ADAMTSL3: variants seen among roughly 807,000 people sequenced by gnomAD.
ADAMTSL3 encodes the protein ADAMTS like 3, also known as ADAMTS-like protein 3.
A neutral mutation model predicts 201.7 loss-of-function variants in ADAMTSL3; 128 were observed. The ratio of observed to expected loss-of-function variants is 0.63; its 90% CI spans 0.55 to 0.73. The LOEUF (loss-of-function observed/expected upper bound fraction) is 0.73. Among genes scored for constraint, ADAMTSL3 ranks in the 30% least tolerant of loss-of-function variants. The pLI is 0.00. For missense variants in ADAMTSL3, 1,990 were observed against 2,119.6 expected (o/e 0.94, Z 1.20); for synonymous variants, 738 against 748.4 (o/e 0.99, Z 0.23).
intron 4 of ADAMTSL3, among the ~76,000 whole-genome samples, chr15:83,774,612 A>G (rs753384258): frequency 9.9e-5 from 15 of 152,150 alleles, no homozygotes; most frequent in Non-Finnish European, 2.1e-4. Flanking sequence ...GCGAGTTCTA[A>G]CTCAGAGCAT....
In ADAMTSL3 at chr15:83,654,913, T is replaced by C. The variant is rs1216757605; in HGVS notation, c.-34+637T>C. Among the ~76,000 whole-genome samples, 1 of 152,170 alleles carries C rather than the reference T, an allele frequency of 6.6e-6. No homozygotes were observed. The highest frequency in any genetic ancestry group is 1.5e-5 in the Non-Finnish European group (1 of 68,024). On this transcript the variant is annotated intron_variant, in intron 1 of 29. Transcript: ENST00000286744. The surrounding 1 kb of genome is among the most constrained non-coding windows in gnomAD (Gnocchi z 5.3). ...CACATTAGACCAGGCCCTTAATGCC[T>C]TCTCCAGATGGAGAGAAGCCACCGA...
intron 5 of ADAMTSL3, among the ~76,000 whole-genome samples, chr15:83,807,396 C>G (rs1463625413): frequency 6.6e-6 from 1 of 152,102 alleles, no homozygotes; most frequent in African/African-American, 2.4e-5. Context: ...GTGGGAGTTG[C>G]AGTGAGCTGA....
intron 6 of ADAMTSL3, among the ~76,000 whole-genome samples, chr15:83,831,932 G>A (rs577607466): frequency 6.4e-4 from 98 of 152,292 alleles, no homozygotes; most frequent in African/African-American, 2.3e-3. Context: ...GGTGAGTGGA[G>A]TATTGACTGA....
chr15:83,789,616 A>G (rs1863450), intron 4 of ADAMTSL3, among the ~76,000 whole-genome samples: 213 of 152,260 alleles, frequency 1.4e-3, no homozygotes, highest in African/African-American at 4.9e-3. Flanking sequence ...TTGATTTCCC[A>G]GTGAAGGCCC....
rs576335722 is a variant in ADAMTSL3 at position 83,748,026 on chromosome 15, A to C, written c.190-25497A>C. Among the ~76,000 whole-genome samples the C allele has an allele frequency of 7.2e-5, 11 of 151,984 alleles. No individual in the cohort carries two copies. In the South Asian group the frequency reaches 1.0e-3, roughly 14 times the overall value. On this transcript the variant is annotated intron_variant, in intron 3 of 29. Coordinates refer to ENST00000286744, the MANE Select transcript of ADAMTSL3 (RefSeq NM_207517.3). ...CCTTGTACAACATTCCTCATATGTC[A>C]TTCCCCTTAAAGAAAACATTTCTTC...
chr15:83,950,227 T>A (rs745880328), intron 19 of ADAMTSL3, among the ~76,000 whole-genome samples: 8 of 152,156 alleles, frequency 5.3e-5, no homozygotes, highest in Non-Finnish European at 1.0e-4. Flanking sequence ...TGCATATGGA[T>A]ATCCAGTTTT....
At chr15:83,671,129 G>A (rs1349259934) in intron 2 of ADAMTSL3, among the ~76,000 whole-genome samples, 3 of 152,022 alleles carry the variant, frequency 2.0e-5, no homozygotes, top group East Asian at 3.8e-4. Context: ...ATGTTGGTTT[G>A]TACTATATTT....
At chr15:83,728,786 G>A (rs2062221090) in intron 3 of ADAMTSL3, among the ~76,000 whole-genome samples, 1 of 151,922 alleles carries the variant, frequency 6.6e-6, no homozygotes, top group Non-Finnish European at 1.5e-5. Flanking sequence ...TAGTTTATGT[G>A]CCACAATTAC....
At chr15:83,743,860 T>C (rs1315214698) in intron 3 of ADAMTSL3, among the ~76,000 whole-genome samples, 1 of 152,106 alleles carries the variant, frequency 6.6e-6, no homozygotes. Context: ...CATATATCTT[T>C]TTAATTTTTT....
chr15:83,794,154 A>G (rs186857168), intron 4 of ADAMTSL3, among the ~76,000 whole-genome samples: 1 of 152,366 alleles, frequency 6.6e-6, no homozygotes, highest in East Asian at 1.9e-4. Flanking sequence ...AAGGTTCACA[A>G]CAAGAAATAC....
chr15:83,757,274 C>A (rs2062736929), intron 3 of ADAMTSL3, among the ~76,000 whole-genome samples: 1 of 152,258 alleles, frequency 6.6e-6, no homozygotes, highest in Admixed American at 6.5e-5. Flanking sequence ...CAGGTATTTC[C>A]ATACATCCTC....
At chr15:83,709,905 G>T (rs1229056399) in intron 3 of ADAMTSL3, among the ~76,000 whole-genome samples, 1 of 152,162 alleles carries the variant, frequency 6.6e-6, no homozygotes. Flanking sequence ...AGCACGAGCA[G>T]TAGGTGACTT....
At chr15:83,728,221 A>T (rs2062209968) in intron 3 of ADAMTSL3, among the ~76,000 whole-genome samples, 1 of 146,312 alleles carries the variant, frequency 6.8e-6, no homozygotes, top group African/African-American at 2.5e-5. Flanking sequence ...ATCTTTTTTC[A>T]TCCCTTTTTT....
chr15:83,959,873 C>G (rs1401688227), intron 19 of ADAMTSL3, among the ~76,000 whole-genome samples: 1 of 151,992 alleles, frequency 6.6e-6, no homozygotes, highest in Admixed American at 6.6e-5. Flanking sequence ...AGACTTTGCT[C>G]CAGAAAAAAG....
chr15:83,824,884 A>T (rs1457752706), intron 6 of ADAMTSL3: 5 of 152,282 alleles, frequency 3.3e-5, no homozygotes, highest in African/African-American at 1.2e-4. Flanking sequence ...ATGTTTCACA[A>T]ATTTGCATGT....
At chr15:83,838,353 TCTTCCAAGAAGTGTGTATCAAA>T in intron 7 of ADAMTSL3, 138 bp downstream of exon 7, 1 of 1,195,888 alleles carries the variant, frequency 8.4e-7, no homozygotes, top group South Asian at 1.6e-5. Context: ...AAGTGAAATT[TCTTCCAAGAAGTGTGTATCAAA>T]CTTTTGTTCC....
intron 3 of ADAMTSL3, among the ~76,000 whole-genome samples, chr15:83,722,108 C>G (rs1049809718): frequency 4.6e-5 from 7 of 152,052 alleles, no homozygotes; most frequent in African/African-American, 1.7e-4. Context: ...CTGAGATGAG[C>G]AAAGATGAAA....
chr15:83,723,457 T>C (rs2062129580), intron 3 of ADAMTSL3, among the ~76,000 whole-genome samples: 1 of 152,214 alleles, frequency 6.6e-6, no homozygotes, highest in Non-Finnish European at 1.5e-5. Flanking sequence ...GGGAATTTCC[T>C]GAGGGAATAG....
intron 2 of ADAMTSL3, among the ~76,000 whole-genome samples, chr15:83,665,521 A>G (rs979369311): frequency 1.3e-5 from 2 of 152,170 alleles, no homozygotes; most frequent in Non-Finnish European, 2.9e-5. Flanking sequence ...AGAGGAAAAA[A>G]CCAATTACAT....
Sources: allele counts gnomAD v4.1 joint callset (sites outside exome capture counted in the v4.1 genomes callset), GRCh38; gene constraint gnomAD v4.1.1; non-coding constraint Gnocchi (gnomAD v3.1); transcripts MANE v1.5; gene names NCBI Gene and HGNC (gene_info 2026-07-23, HGNC 2026-07-21).